The following SCFD2 variants were observed in gnomAD, a reference collection of about 807,000 sequenced individuals.
SCFD2 encodes sec1 family domain containing 2.
Under a neutral mutation model 58.9 loss-of-function variants are expected in SCFD2, and 54 were observed. That is an observed-to-expected ratio of 0.92 (90% CI 0.74 to 1.15). SCFD2 has a LOEUF of 1.15. Ranked by LOEUF, SCFD2 falls within the 50% of genes most tolerant of loss-of-function variation. The pLI is 0.00. For missense variants in SCFD2, 805 were observed against 836.6 expected (o/e 0.96, Z 0.47); for synonymous variants, 321 against 335.9 (o/e 0.96, Z 0.49).
rs79628372 is a variant in SCFD2, at chr4:53,145,409, T to C, written c.1485A>G (p.Glu495=). 0.074 allele frequency: 119,685 copies of C among 1,614,056 alleles called. 4,836 individuals carry two copies. The highest frequency in any genetic ancestry group is 0.11 in the East Asian group (5,023 of 44,876). The change falls in exon 5 of 9, where the codon GAA becomes GAG. Residue 495 remains glutamate (E), a synonymous_variant. Coordinates refer to ENST00000401642, the MANE Select transcript of SCFD2 (RefSeq NM_152540.4). The part of the protein sequence containing the change: ...LTVDKDLCEA[E]EKVKKALAQV... Reference sequence around the variant, plus strand: ...GAGCCAATGCTTTCTTGACTTTTTCTTCTGCTTCACACAGGTCTTTGTCTA... The same window carrying C: ...GAGCCAATGCTTTCTTGACTTTTTCCTCTGCTTCACACAGGTCTTTGTCTA...
At chr4:53,277,117 T>A (rs1731350732) in intron 3 of SCFD2, among the ~76,000 whole-genome samples, 1 of 152,172 alleles carries the variant, frequency 6.6e-6, no homozygotes, top group South Asian at 2.1e-4. Flanking sequence ...TTTCTAGGAA[T>A]AAACCTGTGA....
In SCFD2 at chr4:53,145,356, G is replaced by A. The variant is rs758412900; in HGVS notation, c.1538C>T (p.Ser513Leu). Residue 513 changes from serine (S) to leucine (L), a missense_variant, in exon 5 of 9, where the codon TCA becomes TTA. Coordinates refer to ENST00000401642, the MANE Select transcript of SCFD2 (RefSeq NM_152540.4). ...AQVFCEESGL[S>L]PLLQKITDWD... ...ACCCGTAATTTTTTGCAGCAAAGGTGACAATCCAGATTCCTCACAGAAGAC... is the reference window on the plus strand; with the variant it reads ...ACCCGTAATTTTTTGCAGCAAAGGTAACAATCCAGATTCCTCACAGAAGAC... 5.6e-6 allele frequency: 9 copies of A among 1,614,098 alleles called. No individual in the cohort carries two copies. The highest frequency in any genetic ancestry group is 1.1e-5 in the South Asian group (1 of 91,024).
At chr4:53,334,875 G>A (rs13103971) in intron 2 of SCFD2, among the ~76,000 whole-genome samples, 108,585 of 152,108 alleles carry the variant, frequency 0.71, 38,939 homozygotes, top group Middle Eastern at 0.8. Context: ...ATAAGTGGAC[G>A]AATTTAAATT....
At chr4:53,311,329 C>T (rs1370365017) in intron 3 of SCFD2, among the ~76,000 whole-genome samples, 1 of 151,978 alleles carries the variant, frequency 6.6e-6, no homozygotes, top group Non-Finnish European at 1.5e-5. Flanking sequence ...CAGCCCCTAT[C>T]TAGAGTTGTG....
At chr4:53,344,447 A>C (rs1283443909) in intron 2 of SCFD2, among the ~76,000 whole-genome samples, 2 of 152,224 alleles carry the variant, frequency 1.3e-5, no homozygotes, top group East Asian at 3.9e-4. Flanking sequence ...ACGAAATAAA[A>C]GAGGACACAA....
chr4:52,969,247 A>T (rs751388856), intron 5 of SCFD2, among the ~76,000 whole-genome samples: 1 of 152,122 alleles, frequency 6.6e-6, no homozygotes, highest in East Asian at 1.9e-4. Context: ...GCAAGACCCT[A>T]TTGTGGTGGT....
intron 5 of SCFD2, among the ~76,000 whole-genome samples, chr4:53,012,681 C>T (rs949055249): frequency 2.0e-5 from 3 of 152,126 alleles, no homozygotes; most frequent in African/African-American, 7.2e-5. Flanking sequence ...TGAACCAGTG[C>T]TTTTCTGGTA....
chr4:53,304,035 TG>T (rs1387542671), intron 3 of SCFD2, among the ~76,000 whole-genome samples: 3 of 151,354 alleles, frequency 2.0e-5, no homozygotes, highest in African/African-American at 7.3e-5. Flanking sequence ...CACACCAACT[TG>T]GCACATGTAT....
At chr4:52,937,500 G>A (rs1239972851) in intron 5 of SCFD2, among the ~76,000 whole-genome samples, 1 of 152,182 alleles carries the variant, frequency 6.6e-6, no homozygotes. Context: ...CCTGTAGAGA[G>A]CACACAAGCT....
At chr4:53,255,246 G>A (rs1730569134) in intron 4 of SCFD2, among the ~76,000 whole-genome samples, 2 of 114,034 alleles carry the variant, frequency 1.8e-5, no homozygotes, top group Non-Finnish European at 4.1e-5. Context: ...ATCATTCTTG[G>A]GTGTTTCTCG....
intron 2 of SCFD2, among the ~76,000 whole-genome samples, chr4:53,314,727 A>G (rs1350266835): frequency 3.9e-5 from 6 of 152,212 alleles, no homozygotes; most frequent in Non-Finnish European, 8.8e-5. Flanking sequence ...CTAATAAGAC[A>G]TATCTTCCAA....
intron 5 of SCFD2, among the ~76,000 whole-genome samples, chr4:52,936,810 C>T (rs768097569): frequency 5.9e-5 from 9 of 152,212 alleles, no homozygotes; most frequent in South Asian, 2.1e-4. Context: ...TTATCACCTT[C>T]GCTTCTGCAA....
At position 52,911,462 on chromosome 4, in the gene SCFD2, C is replaced by T. The variant is rs1046654915; in HGVS notation, c.1708-3871G>A. On this transcript the variant is annotated intron_variant, in intron 6 of 8. Coordinates refer to ENST00000401642, the MANE Select transcript of SCFD2 (RefSeq NM_152540.4). The stretch of plus-strand genomic sequence containing the variant: ...TTTCTCAACCTCTTCATTCTTGAGA[C>T]TTTGTGATTGTTCTGTGCTACACTG... Among the ~76,000 whole-genome samples, 167 of 152,272 alleles carry T rather than the reference C, an allele frequency of 1.1e-3. 1 individual carries two copies. In the Middle Eastern group the frequency reaches 0.014, roughly 12 times the overall value.
At chr4:53,281,050 G>A (rs1306535235) in intron 3 of SCFD2, among the ~76,000 whole-genome samples, 6 of 152,180 alleles carry the variant, frequency 3.9e-5, no homozygotes, top group South Asian at 2.1e-4. Flanking sequence ...CTCTGCGGCC[G>A]TGCGCCCTGT....
intron 4 of SCFD2, among the ~76,000 whole-genome samples, chr4:53,251,997 C>G (rs1730403395): frequency 6.6e-6 from 1 of 152,168 alleles, no homozygotes; most frequent in Non-Finnish European, 1.5e-5. Flanking sequence ...ATCATCTCAG[C>G]CCAAAATCTC....
intron 5 of SCFD2, among the ~76,000 whole-genome samples, chr4:53,000,927 T>C (rs956808159): frequency 6.6e-6 from 1 of 152,208 alleles, no homozygotes; most frequent in Non-Finnish European, 1.5e-5. Context: ...ACCCGGGGGT[T>C]TGGGGACCCC....
chr4:52,906,147 G>T (rs1360814670), intron 7 of SCFD2, among the ~76,000 whole-genome samples: 1 of 152,174 alleles, frequency 6.6e-6, no homozygotes, highest in Non-Finnish European at 1.5e-5. Flanking sequence ...GGGCAGGTGG[G>T]GTGGAGCCTT....
chr4:53,177,548 G>T (rs576532092), intron 4 of SCFD2, among the ~76,000 whole-genome samples: 4 of 152,172 alleles, frequency 2.6e-5, no homozygotes, highest in South Asian at 2.1e-4. Context: ...CAAGATGGTC[G>T]AATAGGAACA....
chr4:53,271,870 A>C (rs1731179665), intron 4 of SCFD2, among the ~76,000 whole-genome samples: 1 of 152,196 alleles, frequency 6.6e-6, no homozygotes, highest in Admixed American at 6.5e-5. Flanking sequence ...CATTAAACTA[A>C]AGAGCTTCTG....
Sources: gnomAD v4.1 joint callset for allele counts (sites outside exome capture counted in the v4.1 genomes callset) on GRCh38, gnomAD v4.1.1 for gene constraint, MANE v1.5 for transcripts, NCBI Gene and HGNC (gene_info 2026-07-23, HGNC 2026-07-21) for gene names.